Variants in PDK1 observed in about 807,000 individuals in gnomAD.
PDK1 encodes pyruvate dehydrogenase kinase 1, also known as [Pyruvate dehydrogenase (acetyl-transferring)] kinase isozyme 1, mitochondrial.
A neutral mutation model predicts 54.2 loss-of-function variants in PDK1; 39 were observed. That is an observed-to-expected ratio of 0.72 (90% CI 0.56 to 0.94). The LOEUF (loss-of-function observed/expected upper bound fraction) is 0.94, where lower values mean the gene tolerates loss of function less well. PDK1 is among the 40% of genes least tolerant of loss of function. The pLI is 0.00. For missense variants in PDK1, 552 were observed against 566.0 expected (o/e 0.98, Z 0.25); for synonymous variants, 221 against 207.1 (o/e 1.07, Z -0.58).
At position 172,602,287 on chromosome 2, in the gene PDK1, T is replaced by G. The variant is rs1186796735; in HGVS notation, c.*6318T>G. 1 of 152,180 alleles carries G rather than the reference T, an allele frequency of 6.6e-6. No individual in the cohort carries two copies. The highest frequency in any genetic ancestry group is 2.4e-5 in the African/African-American group (1 of 41,436). The allele number at this position is 152,180 out of a possible 1,614,324, so 9.4% of individuals were successfully genotyped here. On this transcript the variant is annotated 3_prime_UTR_variant, in exon 11 of 11. Transcript: ENST00000282077. ...TAGCAGTGCATAAAATATTGTATCA[T>G]GAGCAAAAGGAGAATCTTTCCCAGG...
chr2:172,673,645 AG>A, the PDK1 span, among the ~76,000 whole-genome samples: 2 of 152,312 alleles, frequency 1.3e-5, no homozygotes, highest in East Asian at 3.9e-4. Flanking sequence ...TACCAAATGA[AG>A]AATGTAAACT....
chr2:172,593,926 T>C (rs1690744621), intron 10 of PDK1, among the ~76,000 whole-genome samples: 1 of 152,170 alleles, frequency 6.6e-6, no homozygotes, highest in Non-Finnish European at 1.5e-5. Context: ...TGTTGAAGAA[T>C]TTATATTGGA....
chr2:172,595,486 G>T (rs146907754), intron 10 of PDK1, among the ~76,000 whole-genome samples: 1 of 151,956 alleles, frequency 6.6e-6, no homozygotes, highest in South Asian at 2.1e-4. Context: ...TACATATATC[G>T]ATTTGTATGC....
At chr2:172,689,468 A>C in the PDK1 span, among the ~76,000 whole-genome samples, 1 of 152,202 alleles carries the variant, frequency 6.6e-6, no homozygotes, top group Non-Finnish European at 1.5e-5. Context: ...CAAGCTACCA[A>C]TGACTTTCTT....
At chr2:172,653,505 A>G in the PDK1 span, among the ~76,000 whole-genome samples, 2 of 152,260 alleles carry the variant, frequency 1.3e-5, no homozygotes, top group African/African-American at 4.8e-5. Context: ...TGGGCAGCTA[A>G]GTAACAAAAA....
rs1206373177 is a variant in PDK1, at chr2:172,601,169, T to C, written c.*5200T>C. ...ATGAACTTAATAACATTTTTTTCCATTCTCAAAATGATACTTAAATGACTC... is the reference window on the plus strand; with the variant it reads ...ATGAACTTAATAACATTTTTTTCCACTCTCAAAATGATACTTAAATGACTC... On this transcript the variant is annotated 3_prime_UTR_variant, in exon 11 of 11. Transcript: ENST00000282077. 6.6e-6 allele frequency: 1 copy of C among 152,188 alleles called. No individual in the cohort carries two copies. Among genetic ancestry groups the C allele is most frequent in the Non-Finnish European group, 1.5e-5 (1 of 68,046 alleles). 9.4% of individuals were successfully genotyped at this position (152,188 alleles called of 1,614,324 possible).
chr2:172,604,424 C>T lies in PDK1; in HGVS notation c.*8455C>T, dbSNP rs1317027579. 6.6e-6 allele frequency: 1 copy of T among 152,158 alleles called. No individual in the cohort carries two copies. The highest frequency in any genetic ancestry group is 1.5e-5 in the Non-Finnish European group (1 of 68,034). 9.4% of individuals were successfully genotyped at this position (152,158 alleles called of 1,614,324 possible). ...TTCATTGTTACTTTGTAGTTTTCAG[C>T]TTACAGATTCCGCGCATATTTTGTT... is the stretch of plus-strand genomic sequence containing the variant. On this transcript the variant is annotated 3_prime_UTR_variant, in exon 11 of 11. Transcript: ENST00000282077.
At chr2:172,702,333 G>T in the PDK1 span, among the ~76,000 whole-genome samples, 1 of 152,084 alleles carries the variant, frequency 6.6e-6, no homozygotes, top group Non-Finnish European at 1.5e-5. Flanking sequence ...AAAAATTAGC[G>T]GCGCATGATG....
the PDK1 span, among the ~76,000 whole-genome samples, chr2:172,648,373 G>A: frequency 6.6e-6 from 1 of 152,262 alleles, no homozygotes; most frequent in African/African-American, 2.4e-5. Context: ...TTGAATAGAG[G>A]AGGGAGGTTC....
At chr2:172,720,798 G>T in the PDK1 span, among the ~76,000 whole-genome samples, 2 of 152,086 alleles carry the variant, frequency 1.3e-5, no homozygotes, top group Non-Finnish European at 1.5e-5. Context: ...GAAGTTTCTG[G>T]TTCTTCCCCC....
chr2:172,613,932 G>A, the PDK1 span, among the ~76,000 whole-genome samples: 39 of 152,052 alleles, frequency 2.6e-4, no homozygotes, highest in Non-Finnish European at 5.0e-4. Flanking sequence ...GCTTCCCTGT[G>A]TTTTTGAGGG....
intron 1 of PDK1, 50 bp from the exon 2 acceptor site, chr2:172,558,658 G>C (rs1558922820): frequency 6.6e-7 from 1 of 1,511,974 alleles, no homozygotes; most frequent in Non-Finnish European, 8.9e-7. Context: ...CTTGCCTTCT[G>C]TTTCCTTATG....
At chr2:172,700,686 C>G in the PDK1 span, among the ~76,000 whole-genome samples, 7 of 152,260 alleles carry the variant, frequency 4.6e-5, no homozygotes, top group South Asian at 6.2e-4. Context: ...GGGCAGAGAT[C>G]ACGCCACTGC....
At chr2:172,614,197 G>T in the PDK1 span, among the ~76,000 whole-genome samples, 1 of 143,366 alleles carries the variant, frequency 7.0e-6, no homozygotes, top group Admixed American at 7.1e-5. Flanking sequence ...CCCCATCCCT[G>T]CAGGTTCAGG....
chr2:172,558,653 C>T, intron 1 of PDK1, 55 bp from the exon 2 acceptor site: 1 of 1,478,320 alleles, frequency 6.8e-7, no homozygotes, highest in African/African-American at 1.4e-5. Flanking sequence ...AGCCTCTTGC[C>T]TTCTGTTTCC....
At chr2:172,684,319 C>A in the PDK1 span, among the ~76,000 whole-genome samples, 1 of 151,954 alleles carries the variant, frequency 6.6e-6, no homozygotes, top group African/African-American at 2.4e-5. Context: ...CTACTTAGGG[C>A]ACTGAGGTGG....
At chr2:172,703,275 G>A in the PDK1 span, among the ~76,000 whole-genome samples, 1 of 152,112 alleles carries the variant, frequency 6.6e-6, no homozygotes. Flanking sequence ...CAATACAGTC[G>A]ACACCTTGAT....
the PDK1 span, among the ~76,000 whole-genome samples, chr2:172,645,260 C>CTTTTTTTTTTTTTTTTT: frequency 2.0e-4 from 10 of 51,144 alleles, 3 homozygotes; most frequent in East Asian, 1.8e-3. Context: ...ACAAAATAGG[C>CTTTTTTTTTTTTTTTTT]TTTTTTTTTT....
the PDK1 span, among the ~76,000 whole-genome samples, chr2:172,640,884 A>G: frequency 2.0e-5 from 3 of 152,072 alleles, no homozygotes; most frequent in African/African-American, 7.2e-5. Flanking sequence ...CCAAATATAC[A>G]GGGGAAGCTG....
Sources: gnomAD v4.1 joint callset for allele counts (sites outside exome capture counted in the v4.1 genomes callset) on GRCh38, gnomAD v4.1.1 for gene constraint, MANE v1.5 for transcripts, NCBI Gene and HGNC (gene_info 2026-07-23, HGNC 2026-07-21) for gene names.